The following ZNF519 variants were observed in gnomAD, a reference collection of about 807,000 sequenced individuals.
The protein encoded by ZNF519 is zinc finger protein 519.
A neutral mutation model predicts 7.4 loss-of-function variants in ZNF519; 7 were observed. The ratio of observed to expected loss-of-function variants is 0.94; its 90% CI spans 0.54 to 1.77. ZNF519 has a LOEUF of 1.77. Ranked by LOEUF, ZNF519 falls within the 40% of genes most tolerant of loss-of-function variation. The pLI is 0.00. For synonymous variants in ZNF519, 179 were observed against 203.3 expected, an observed-to-expected ratio of 0.88 and a Z score of 1.02; for missense variants, 586 against 623.1, an observed-to-expected ratio of 0.94 and a Z score of 0.63.
At chr18:14,114,008 G>T (rs1383380605) in intron 2 of ZNF519, among the ~76,000 whole-genome samples, 2 of 152,082 alleles carry the variant, frequency 1.3e-5, no homozygotes, top group African/African-American at 4.8e-5. Flanking sequence ...CTATAGAGTT[G>T]TTTGTGTGCC....
intron 2 of ZNF519, chr18:14,122,470 C>CT (rs2046274040): frequency 6.6e-6 from 1 of 152,084 alleles, no homozygotes; most frequent in African/African-American, 2.4e-5. Flanking sequence ...GAAAAAGATA[C>CT]TTTAACATAG....
intron 2 of ZNF519, among the ~76,000 whole-genome samples, chr18:14,110,675 C>T (rs1319357725): frequency 1.3e-5 from 2 of 152,084 alleles, no homozygotes; most frequent in African/African-American, 2.4e-5. Flanking sequence ...ATTCAAAAGT[C>T]AAGAAAACAA....
intron 2 of ZNF519, among the ~76,000 whole-genome samples, chr18:14,123,888 T>C (rs1185607215): frequency 2.0e-5 from 3 of 152,068 alleles, no homozygotes; most frequent in Non-Finnish European, 4.4e-5. Flanking sequence ...GATTTTCTTT[T>C]TGGCTGGGCA....
At chr18:14,092,185 C>T (rs570653103) in intron 2 of ZNF519, among the ~76,000 whole-genome samples, 1 of 152,040 alleles carries the variant, frequency 6.6e-6, no homozygotes, top group East Asian at 1.9e-4. Context: ...GTGCTGGAGG[C>T]AGAGACCCTG....
intron 2 of ZNF519, among the ~76,000 whole-genome samples, chr18:14,093,521 A>C (rs952459572): frequency 4.6e-5 from 7 of 152,220 alleles, no homozygotes; most frequent in African/African-American, 1.7e-4. Context: ...ACATATTTAG[A>C]AATATGTACA....
intron 2 of ZNF519, among the ~76,000 whole-genome samples, chr18:14,088,988 AAC>A (rs2143093507): frequency 6.6e-6 from 1 of 152,278 alleles, no homozygotes; most frequent in East Asian, 1.9e-4. Flanking sequence ...GACTGAAAAA[AAC>A]ATTTATTTTT....
intron 1 of ZNF519, among the ~76,000 whole-genome samples, chr18:14,129,394 AG>A (rs1427715526): frequency 6.6e-6 from 1 of 152,086 alleles, no homozygotes. Context: ...GGAGTGGGTT[AG>A]AAGCATGTAG....
chr18:14,126,327 C>A (rs796987321), intron 1 of ZNF519, among the ~76,000 whole-genome samples: 1 of 152,120 alleles, frequency 6.6e-6, no homozygotes, highest in Non-Finnish European at 1.5e-5. Context: ...TTGTAACATA[C>A]GATAAGAAGG....
chr18:14,081,383 A>T (rs972846368), intron 3 of ZNF519, among the ~76,000 whole-genome samples: 1 of 152,226 alleles, frequency 6.6e-6, no homozygotes, highest in Non-Finnish European at 1.5e-5. Context: ...AAAAGAAGAC[A>T]TAGCTTTTTA....
At chr18:14,094,456 T>C (rs1172658357) in intron 2 of ZNF519, among the ~76,000 whole-genome samples, 2 of 152,234 alleles carry the variant, frequency 1.3e-5, no homozygotes, top group Admixed American at 1.3e-4. Flanking sequence ...GTTTTTCTTC[T>C]ACACCTAATT....
Position 14,105,916 on chromosome 18 carries a change from A to T in ZNF519, c.624T>A (p.Pro208=), listed in dbSNP as rs148717298. 2.3e-4 allele frequency: 373 copies of T among 1,610,172 alleles called. No individual in the cohort carries two copies. The highest frequency in any genetic ancestry group is 3.0e-4 in the Non-Finnish European group (358 of 1,178,898). ...TTTCACCACATTCATTAGAGTTGTA[A>T]GGCTTTTTTTGAATATGGATATTTT... ...FPENIHIQKK[P]YNSNECGETS... Residue 208 remains proline (P), a synonymous_variant, in exon 3 of 3, where the codon CCT becomes CCA. Transcript: ENST00000590202.
At chr18:14,106,731 A>C (rs1335577914) in intron 2 of ZNF519, among the ~76,000 whole-genome samples, 1 of 152,116 alleles carries the variant, frequency 6.6e-6, no homozygotes, top group Non-Finnish European at 1.5e-5. Flanking sequence ...TGAATCACTA[A>C]TGCCACCCCT....
At chr18:14,111,461 C>A (rs2046220321) in intron 2 of ZNF519, among the ~76,000 whole-genome samples, 1 of 136,312 alleles carries the variant, frequency 7.3e-6, no homozygotes, top group East Asian at 2.3e-4. Context: ...GAGCCAAGAT[C>A]AAGCCACTGC....
intron 2 of ZNF519, among the ~76,000 whole-genome samples, chr18:14,088,807 AT>A (rs1354842707): frequency 2.0e-5 from 3 of 152,128 alleles, no homozygotes; most frequent in African/African-American, 4.8e-5. Context: ...CTTATTTGAA[AT>A]TTCTTAACTG....
At chr18:14,118,485 A>G (rs532337031) in intron 2 of ZNF519, among the ~76,000 whole-genome samples, 3 of 152,346 alleles carry the variant, frequency 2.0e-5, no homozygotes, top group South Asian at 4.1e-4. Context: ...TTCCACTTAC[A>G]TAAGACATCT....
chr18:14,129,218 T>A (rs539812483), intron 1 of ZNF519, among the ~76,000 whole-genome samples: 1 of 152,156 alleles, frequency 6.6e-6, no homozygotes, highest in African/African-American at 2.4e-5. Context: ...AGGTTCCCGA[T>A]AGAGATTCAG....
In ZNF519 at chr18:14,111,678, T is replaced by C. The variant is rs369745154; in HGVS notation, c.131-5269A>G. Among the ~76,000 whole-genome samples, 103 of 152,048 alleles carry C rather than the reference T, an allele frequency of 6.8e-4. 1 individual carries two copies. In the East Asian group the frequency reaches 0.015, roughly 21 times the overall value. ...CAGATAGATGCCATAAATTGGAAAA[T>C]CTAGAACAAATGGATAAATTTCTAG... On this transcript the variant is annotated intron_variant, in intron 2 of 2. Transcript: ENST00000590202.
chr18:14,115,482 G>A (rs1016586725), intron 2 of ZNF519, among the ~76,000 whole-genome samples: 48 of 152,146 alleles, frequency 3.2e-4, no homozygotes, highest in African/African-American at 1.1e-3. Flanking sequence ...CATACACCCT[G>A]ATTTTAAAAA....
In ZNF519 at chr18:14,102,813, G is replaced by GA. The variant is rs2046168515; in HGVS notation, c.*2103dup. ...TTTAAAAATTCAATCCAAATTGGGG[G>GA]AAAAAAGCTATATAGTGGTAATATT... is the stretch of plus-strand genomic sequence containing the variant. On this transcript the variant is annotated 3_prime_UTR_variant, in exon 3 of 3. Coordinates refer to ENST00000590202, the MANE Select transcript of ZNF519 (RefSeq NM_145287.4). 1 of 151,640 alleles carries GA rather than the reference G, an allele frequency of 6.6e-6. No homozygotes were observed. The highest frequency in any genetic ancestry group is 2.1e-4 in the South Asian group (1 of 4,808). 9.4% of individuals were successfully genotyped at this position (151,640 alleles called of 1,614,324 possible).
Sources: gnomAD v4.1 joint callset for allele counts (sites outside exome capture counted in the v4.1 genomes callset) on GRCh38, gnomAD v4.1.1 for gene constraint, MANE v1.5 for transcripts, NCBI Gene and HGNC (gene_info 2026-07-23, HGNC 2026-07-21) for gene names.